ATP11A: variants seen among roughly 807,000 people sequenced by gnomAD.
ATP11A encodes the protein phospholipid-transporting ATPase IH.
ATP11A carries 81 observed loss-of-function variants against 154.4 expected under a neutral mutation model. The observed-to-expected ratio is 0.52, with a 90% CI of 0.44 to 0.63. The LOEUF is 0.63. ATP11A is among the 30% of genes least tolerant of loss of function. The probability of loss-of-function intolerance (pLI) is 0.00; values close to 1 mark genes in which losing one functional copy is unlikely to be tolerated. For missense variants in ATP11A, 1,316 were observed against 1,474.3 expected (o/e 0.89, Z 1.76); for synonymous variants, 623 against 585.9 (o/e 1.06, Z -0.91).
At chr13:112,870,920 C>T (rs1327986332) in intron 25 of ATP11A, among the ~76,000 whole-genome samples, 1 of 152,162 alleles carries the variant, frequency 6.6e-6, no homozygotes, top group Non-Finnish European at 1.5e-5. Context: ...GCGGTCCTCA[C>T]GGGTGTGTCT....
At position 112,871,752 on chromosome 13, in the gene ATP11A, G is replaced by C. The variant is rs113642918; in HGVS notation, c.3009G>C (p.Thr1003=). 5.0e-6 allele frequency: 8 copies of C among 1,614,136 alleles called. No individual in the cohort carries two copies. Among genetic ancestry groups the C allele is most frequent in the Non-Finnish European group, 6.8e-6 (8 of 1,179,978 alleles). ...TSNGQIFGNW[T]FGTLVFTVMV... ...CCAAACAGATATTTGGAAACTGGACGTTTGGAACGCTGGTATTCACCGTGA... is the reference window on the plus strand; with the variant it reads ...CCAAACAGATATTTGGAAACTGGACCTTTGGAACGCTGGTATTCACCGTGA... Residue 1003 remains threonine, a synonymous_variant, in exon 26 of 30, where the codon ACG becomes ACC. Coordinates refer to ENST00000375645, the MANE Select transcript of ATP11A (RefSeq NM_015205.3).
At chr13:112,841,197 C>T (rs1487526150) in intron 16 of ATP11A, among the ~76,000 whole-genome samples, 3 of 147,424 alleles carry the variant, frequency 2.0e-5, no homozygotes, top group African/African-American at 5.1e-5. Flanking sequence ...ACAAACCAGC[C>T]GCCTGGCAGA....
chr13:112,851,526 T>G (rs1404440823), intron 18 of ATP11A: 1 of 221,058 alleles, frequency 4.5e-6, no homozygotes, highest in African/African-American at 2.2e-5. Flanking sequence ...AAATTCTTTC[T>G]TCTTTTTTTT....
Position 112,859,239 on chromosome 13 carries a change from A to C in ATP11A, c.2668-154A>C. 1 of 691,018 alleles carries C rather than the reference A, an allele frequency of 1.4e-6. No individual in the cohort carries two copies. Among genetic ancestry groups the C allele is most frequent in the South Asian group, 1.6e-5 (1 of 61,392 alleles). 42.8% of individuals were successfully genotyped at this position (691,018 alleles called of 1,614,324 possible). A position where few individuals can be genotyped will look rare whatever the true frequency, so the allele number is the denominator to read the frequency against. ...CATGTGCATTTCAGTTGCCCCTGAA[A>C]TAAGAGAAAGCTTTCTAGAACCCAT... On this transcript the variant is annotated intron_variant, in intron 22 of 29. Coordinates refer to ENST00000375645, the MANE Select transcript of ATP11A (RefSeq NM_015205.3). The surrounding 1 kb of genome is among the most constrained non-coding windows in gnomAD (Gnocchi z 4.3).
intron 1 of ATP11A, among the ~76,000 whole-genome samples, chr13:112,762,086 T>C (rs17121626): frequency 0.053 from 8,051 of 152,224 alleles, 687 homozygotes; most frequent in African/African-American, 0.18. Flanking sequence ...CAAGGCATTG[T>C]AACCTAAGGT....
chr13:112,761,906 G>A (rs2076972921), intron 1 of ATP11A, among the ~76,000 whole-genome samples: 1 of 152,176 alleles, frequency 6.6e-6, no homozygotes, highest in Non-Finnish European at 1.5e-5. Context: ...AGCAGGGGTG[G>A]GGCCTCCCCA....
rs147554765 is a variant in ATP11A at position 112,853,604 on chromosome 13, C to T, written c.1992-675C>T. ...TGCTGTCGGAAGAGCCGCTTACCCCCGACACCTTCTGCAGCGTCTGCAGGC... is the reference window on the plus strand; with the variant it reads ...TGCTGTCGGAAGAGCCGCTTACCCCTGACACCTTCTGCAGCGTCTGCAGGC... On this transcript the variant is annotated intron_variant, in intron 18 of 29. Coordinates refer to ENST00000375645, the MANE Select transcript of ATP11A (RefSeq NM_015205.3). Among the ~76,000 whole-genome samples the T allele has an allele frequency of 2.8e-3, 426 of 152,312 alleles. 2 individuals carry two copies. Among genetic ancestry groups the T allele is most frequent in the African/African-American group, 9.8e-3 (407 of 41,554 alleles).
chr13:112,819,103 T>C (rs1052898513), intron 6 of ATP11A, among the ~76,000 whole-genome samples: 1 of 152,222 alleles, frequency 6.6e-6, no homozygotes, highest in African/African-American at 2.4e-5. Flanking sequence ...TGGAGGACAC[T>C]GGGTAAGAAT....
intron 12 of ATP11A, among the ~76,000 whole-genome samples, chr13:112,830,580 AAAAT>A (rs1023650517): frequency 4.6e-5 from 7 of 152,242 alleles, no homozygotes; most frequent in African/African-American, 1.4e-4. Flanking sequence ...CGTCTCAAAA[AAAAT>A]AAATAAAAAT....
At chr13:112,818,455 C>G (rs1356360167) in intron 6 of ATP11A, among the ~76,000 whole-genome samples, 2 of 152,228 alleles carry the variant, frequency 1.3e-5, no homozygotes, top group Non-Finnish European at 2.9e-5. Context: ...GTTCTGACTC[C>G]TGTGTTTTAT....
rs1328173422 is a variant in ATP11A at position 112,859,465 on chromosome 13, G to A, written c.2727+13G>A. 4.4e-6 allele frequency: 7 copies of A among 1,608,812 alleles called. No homozygotes were observed. The Admixed American group carries it at 1.0e-4, about 23-fold the overall frequency. On this transcript the variant is annotated intron_variant, in intron 23 of 29. Transcript: ENST00000375645. This position sits in a 1 kb window ranked among gnomAD's most constrained non-coding sequence, Gnocchi z 4.3. ...GTTTTCACAACAGGTCAGTCCTAGGGTCTTCAGGGACAGGCTGTCTGAGCC... is the reference window on the plus strand; with the variant it reads ...GTTTTCACAACAGGTCAGTCCTAGGATCTTCAGGGACAGGCTGTCTGAGCC...
At chr13:112,848,510 A>G (rs1159681882) in intron 17 of ATP11A, among the ~76,000 whole-genome samples, 1 of 152,148 alleles carries the variant, frequency 6.6e-6, no homozygotes, top group Non-Finnish European at 1.5e-5. Flanking sequence ...TAGGCCTTAG[A>G]AAGGCATCCT....
At position 112,825,482 on chromosome 13, in the gene ATP11A, C is replaced by T; in HGVS notation, c.925C>T (p.Leu309=). Reference sequence around the variant, plus strand: ...TCTCTGCATTCTGATCAGCAAAGCCCTGATAAACACTGTGCTGAAATACAT... The same window carrying T: ...TCTCTGCATTCTGATCAGCAAAGCCTTGATAAACACTGTGCTGAAATACAT... The part of the protein sequence containing the change: ...VYLCILISKA[L]INTVLKYMWQ... Residue 309 remains leucine, a synonymous_variant, in exon 11 of 30, where the codon CTG becomes TTG. Transcript: ENST00000375645. 6.2e-7 allele frequency: 1 copy of T among 1,613,972 alleles called. No individual in the cohort carries two copies.
In ATP11A at chr13:112,886,846, T is replaced by C. The variant is rs917283072; in HGVS notation, c.*4980T>C. 2 of 152,444 alleles carry C rather than the reference T, an allele frequency of 1.3e-5. No individual in the cohort carries two copies. The highest frequency in any genetic ancestry group is 6.5e-5 in the Admixed American group (1 of 15,288). The allele number at this position is 152,444 out of a possible 1,614,324, so 9.4% of individuals were successfully genotyped here. On this transcript the variant is annotated 3_prime_UTR_variant, in exon 30 of 30. Coordinates refer to ENST00000375645, the MANE Select transcript of ATP11A (RefSeq NM_015205.3). ...TATTTAACATGAATGGTATCCATAG[T>C]TGTCATCATCATAAATACTGGAGTT... is the stretch of plus-strand genomic sequence containing the variant.
At chr13:112,789,416 T>A (rs1297065282) in intron 2 of ATP11A, among the ~76,000 whole-genome samples, 1 of 149,222 alleles carries the variant, frequency 6.7e-6, no homozygotes, top group Non-Finnish European at 1.5e-5. Flanking sequence ...TAGACCCCTG[T>A]GGAGACCTAC....
chr13:112,849,338 C>A (rs747838677), intron 17 of ATP11A, among the ~76,000 whole-genome samples: 7 of 152,198 alleles, frequency 4.6e-5, no homozygotes, highest in Non-Finnish European at 8.8e-5. Context: ...GTGCTGTGTC[C>A]AGGGTTTTCG....
chr13:112,755,303 C>T (rs182398551), intron 1 of ATP11A, among the ~76,000 whole-genome samples: 4 of 152,234 alleles, frequency 2.6e-5, no homozygotes, highest in Admixed American at 6.5e-5. Context: ...CTTCTGCTTT[C>T]CATTGCACAG....
chr13:112,703,446 C>T (rs1293575615), intron 1 of ATP11A: 1 of 152,224 alleles, frequency 6.6e-6, no homozygotes, highest in Admixed American at 6.5e-5. Flanking sequence ...ACAGCAGTGT[C>T]CTGGTGACCG....
chr13:112,865,906 G>T (rs531734507), intron 25 of ATP11A, among the ~76,000 whole-genome samples: 1 of 152,348 alleles, frequency 6.6e-6, no homozygotes, highest in South Asian at 2.1e-4. Flanking sequence ...CCATCAGTTT[G>T]TTACCTAGTG....
Sources: allele counts gnomAD v4.1 joint callset (sites outside exome capture counted in the v4.1 genomes callset), GRCh38; gene constraint gnomAD v4.1.1; non-coding constraint Gnocchi (gnomAD v3.1); transcripts MANE v1.5; gene names NCBI Gene and HGNC (gene_info 2026-07-23, HGNC 2026-07-21).